Variants in COL25A1 observed in about 807,000 individuals in gnomAD.
COL25A1 encodes the protein collagen type XXV alpha 1 chain, also known as collagen alpha-1(XXV) chain.
COL25A1 carries 103 observed loss-of-function variants against 128.4 expected under a neutral mutation model. The ratio of observed to expected loss-of-function variants is 0.80; its 90% CI spans 0.68 to 0.94. The LOEUF is 0.94. COL25A1 is among the 40% of genes least tolerant of loss of function. The pLI, the probability that COL25A1 is intolerant of heterozygous loss-of-function variation, is 0.00. For missense variants in COL25A1, 745 were observed against 840.0 expected, an observed-to-expected ratio of 0.89 and a Z score of 1.40; for synonymous variants, 279 against 277.2, an observed-to-expected ratio of 1.01 and a Z score of -0.06.
intron 3 of COL25A1, among the ~76,000 whole-genome samples, chr4:109,270,449 A>G (rs1266501205): frequency 2.0e-5 from 3 of 152,258 alleles, no homozygotes; most frequent in Admixed American, 6.5e-5. Context: ...GAGCCAAATC[A>G]TGAGTGAACT....
At chr4:108,967,755 G>T (rs1311599165) in intron 8 of COL25A1, among the ~76,000 whole-genome samples, 3 of 152,080 alleles carry the variant, frequency 2.0e-5, no homozygotes, top group African/African-American at 7.2e-5. Context: ...CTAAGCTATA[G>T]GCAATTATAA....
At chr4:109,197,478 AT>A (rs1325094077) in intron 3 of COL25A1, among the ~76,000 whole-genome samples, 233 of 117,358 alleles carry the variant, frequency 2.0e-3, no homozygotes, top group Non-Finnish European at 3.5e-3. Flanking sequence ...TATAATATAT[AT>A]TATATATTAT....
At chr4:109,225,352 A>C (rs1330744438) in intron 3 of COL25A1, among the ~76,000 whole-genome samples, 1 of 152,196 alleles carries the variant, frequency 6.6e-6, no homozygotes, top group Non-Finnish European at 1.5e-5. Flanking sequence ...AGACATAGAA[A>C]TGGCTCAACA....
chr4:109,031,630 A>T (rs1758875840), intron 5 of COL25A1, among the ~76,000 whole-genome samples: 1 of 152,110 alleles, frequency 6.6e-6, no homozygotes, highest in Non-Finnish European at 1.5e-5. Context: ...CACATTTTAA[A>T]GCTTTACTTT....
intron 5 of COL25A1, among the ~76,000 whole-genome samples, chr4:109,035,628 G>A (rs1759264604): frequency 6.6e-6 from 1 of 152,022 alleles, no homozygotes; most frequent in Admixed American, 6.6e-5. Context: ...CAAAATAAAA[G>A]CTTCTCCTTC....
At chr4:109,046,868 G>A (rs1433185390) in intron 5 of COL25A1, among the ~76,000 whole-genome samples, 1 of 152,102 alleles carries the variant, frequency 6.6e-6, no homozygotes, top group Non-Finnish European at 1.5e-5. Flanking sequence ...ATATCTCAAG[G>A]CCAATGATCA....
intron 3 of COL25A1, among the ~76,000 whole-genome samples, chr4:109,145,599 G>C (rs746437209): frequency 1.6e-4 from 24 of 152,190 alleles, no homozygotes; most frequent in Non-Finnish European, 1.9e-4. Context: ...AACACTTTGG[G>C]AGGCTGAGGT....
Position 109,297,862 on chromosome 4 carries a change from C to CTTTTTTTT in COL25A1, c.367+2713_367+2720dup, listed in dbSNP as rs35099153. Reference sequence around the variant, plus strand: ...GGTATTATTAGTCTTTTTTCCTTTTCTTTTTTTTTTTTTTTTTTTTTTTTT... The same window carrying CTTTTTTTT: ...GGTATTATTAGTCTTTTTTCCTTTTCTTTTTTTTTTTTTTTTTTTTTTTTTTTTTTTTT... On this transcript the variant is annotated intron_variant, in intron 3 of 37. Coordinates refer to ENST00000399132, the MANE Select transcript of COL25A1 (RefSeq NM_198721.4). 1.3e-3 allele frequency among the ~76,000 whole-genome samples: 83 copies of CTTTTTTTT among 63,854 alleles called. 3 individuals carry two copies. The highest frequency in any genetic ancestry group is 1.9e-3 in the Non-Finnish European group (65 of 33,904). 41.9% of individuals were successfully genotyped at this position (63,854 alleles called of 152,430 possible).
chr4:109,272,130 G>A (rs1472694471), intron 3 of COL25A1, among the ~76,000 whole-genome samples: 2 of 152,060 alleles, frequency 1.3e-5, no homozygotes, highest in African/African-American at 4.8e-5. Context: ...CTGCTACTCA[G>A]GAGGCTGAGG....
chr4:108,873,174 T>C (rs567636915), intron 19 of COL25A1, among the ~76,000 whole-genome samples: 76 of 152,290 alleles, frequency 5.0e-4, no homozygotes, highest in African/African-American at 1.8e-3. Context: ...ATTACAGGTG[T>C]GAGCCACTCC....
intron 17 of COL25A1, 102 bp downstream of exon 17, chr4:108,889,599 A>C: frequency 1.0e-6 from 1 of 976,424 alleles, no homozygotes; most frequent in Non-Finnish European, 1.6e-6. Context: ...ATAAGAACAG[A>C]GTTATAACCA....
chr4:109,176,372 G>C (rs183088921), intron 3 of COL25A1, among the ~76,000 whole-genome samples: 251 of 152,290 alleles, frequency 1.6e-3, no homozygotes, highest in African/African-American at 5.8e-3. Context: ...CCTGGTGACA[G>C]AGTGAGACTC....
At chr4:109,043,490 C>T (rs1314301198) in intron 5 of COL25A1, among the ~76,000 whole-genome samples, 1 of 151,946 alleles carries the variant, frequency 6.6e-6, no homozygotes, top group African/African-American at 2.4e-5. Flanking sequence ...TATTTCACAC[C>T]TCAGAGAGTT....
intron 6 of COL25A1, among the ~76,000 whole-genome samples, chr4:109,002,038 T>C (rs778824857): frequency 3.9e-5 from 6 of 152,162 alleles, no homozygotes; most frequent in Non-Finnish European, 8.8e-5. Flanking sequence ...GAATGGCTAT[T>C]GTAAAAAAGA....
intron 3 of COL25A1, among the ~76,000 whole-genome samples, chr4:109,170,037 G>A (rs1319335396): frequency 2.0e-5 from 3 of 152,028 alleles, no homozygotes; most frequent in Non-Finnish European, 4.4e-5. Flanking sequence ...AAAAGGTTTG[G>A]TGTTTCTAGC....
chr4:108,996,555 C>G (rs1489860704), intron 6 of COL25A1, among the ~76,000 whole-genome samples: 1 of 152,102 alleles, frequency 6.6e-6, no homozygotes, highest in African/African-American at 2.4e-5. Flanking sequence ...CAATATTAGA[C>G]AGATCAACAA....
At chr4:109,225,524 C>T (rs1332328341) in intron 3 of COL25A1, among the ~76,000 whole-genome samples, 2 of 152,160 alleles carry the variant, frequency 1.3e-5, no homozygotes, top group Non-Finnish European at 2.9e-5. Context: ...AGTACCGCCT[C>T]TATGGAAAAC....
intron 35 of COL25A1, among the ~76,000 whole-genome samples, chr4:108,820,535 T>C (rs919450047): frequency 4.6e-5 from 7 of 152,218 alleles, no homozygotes; most frequent in African/African-American, 1.7e-4. Context: ...TAAAAGCAAA[T>C]ACTTTCCTTA....
intron 3 of COL25A1, among the ~76,000 whole-genome samples, chr4:109,088,004 T>C (rs912439695): frequency 3.3e-5 from 5 of 151,386 alleles, no homozygotes; most frequent in Non-Finnish European, 7.4e-5. Flanking sequence ...TGGTAATGAA[T>C]GGACTCTAAG....
Sources: allele counts gnomAD v4.1 joint callset (sites outside exome capture counted in the v4.1 genomes callset), GRCh38; gene constraint gnomAD v4.1.1; transcripts MANE v1.5; gene names NCBI Gene and HGNC (gene_info 2026-07-23, HGNC 2026-07-21).